MYRFL: variants seen among roughly 807,000 people sequenced by gnomAD.
MYRFL encodes the protein myelin regulatory factor-like protein.
MYRFL carries 88 observed loss-of-function variants against 109.4 expected under a neutral mutation model. The ratio of observed to expected loss-of-function variants is 0.80; its 90% CI spans 0.68 to 0.96. MYRFL has a LOEUF of 0.96. Ranked by LOEUF, MYRFL falls within the 40% of genes least tolerant of loss-of-function variation. The pLI is 0.00. For missense variants in MYRFL, 957 were observed against 954.9 expected (o/e 1.00, Z -0.03); for synonymous variants, 324 against 320.9 (o/e 1.01, Z -0.10).
chr12:69,946,044 G>A (rs973588298), intron 19 of MYRFL, among the ~76,000 whole-genome samples: 1 of 144,074 alleles, frequency 6.9e-6, no homozygotes, highest in Non-Finnish European at 1.5e-5. Flanking sequence ...GGCTACAAGT[G>A]TAATCATGTC....
chr12:69,926,416 A>G (rs550130212), intron 13 of MYRFL, among the ~76,000 whole-genome samples, 155 bp from the exon 14 acceptor site: 36 of 152,322 alleles, frequency 2.4e-4, no homozygotes, highest in Middle Eastern at 3.4e-3. Context: ...TTCAGTTTCA[A>G]ACCTCTCCAG....
At chr12:69,926,847 G>A in intron 14 of MYRFL, 113 bp downstream of exon 14, 1 of 892,332 alleles carries the variant, frequency 1.1e-6, no homozygotes, top group Non-Finnish European at 1.4e-6. Flanking sequence ...GCTACTTTCT[G>A]ATAATGAAGT....
rs1474386157 is a variant in MYRFL, at chr12:69,898,548, T to C, written c.1182+1302T>C. On this transcript the variant is annotated intron_variant, in intron 10 of 24. Coordinates refer to ENST00000552032, the MANE Select transcript of MYRFL (RefSeq NM_182530.3). ...GGCCAGGGCCATCTTTGACATCTTA[T>C]TTGATGTAATCTGGAATTGCCTTGC... is the stretch of plus-strand genomic sequence containing the variant. Among the ~76,000 whole-genome samples the C allele has an allele frequency of 2.0e-5, 3 of 152,218 alleles. No individual in the cohort carries two copies. In the East Asian group the frequency reaches 5.8e-4, roughly 29 times the overall value.
At chr12:69,829,847 G>C (rs1202748481) in intron 1 of MYRFL, among the ~76,000 whole-genome samples, 1 of 152,174 alleles carries the variant, frequency 6.6e-6, no homozygotes, top group Admixed American at 6.5e-5. Context: ...TCTGACAGAA[G>C]AGTCAGAAGC....
chr12:69,883,884 A>T (rs1886286342), intron 5 of MYRFL, among the ~76,000 whole-genome samples: 1 of 152,106 alleles, frequency 6.6e-6, no homozygotes, highest in African/African-American at 2.4e-5. Flanking sequence ...TAAAAAAGAA[A>T]AAAAAAGAGG....
intron 2 of MYRFL, among the ~76,000 whole-genome samples, chr12:69,873,719 G>A (rs1458885219): frequency 6.6e-6 from 1 of 152,108 alleles, no homozygotes; most frequent in Admixed American, 6.6e-5. Context: ...TTTATTTCTG[G>A]AATTTTCCAT....
At chr12:69,845,403 A>G (rs1157041537) in intron 1 of MYRFL, among the ~76,000 whole-genome samples, 4 of 152,212 alleles carry the variant, frequency 2.6e-5, no homozygotes, top group Non-Finnish European at 5.9e-5. Flanking sequence ...TCAAAGTCTA[A>G]CTGAAGACTC....
chr12:69,891,671 T>TTCTTTCTTTCTTTCTTTCTA (rs1886891767), intron 7 of MYRFL, among the ~76,000 whole-genome samples: 1 of 111,452 alleles, frequency 9.0e-6, no homozygotes, highest in East Asian at 2.2e-4. Flanking sequence ...CTTTCTTTCT[T>TTCTTTCTTTCTTTCTTTCTA]TCTTTCTTTC....
At chr12:69,897,085 G>A (rs1954020753) in intron 9 of MYRFL, 71 bp from the exon 10 acceptor site, 1 of 980,224 alleles carries the variant, frequency 1.0e-6, no homozygotes, top group African/African-American at 1.6e-5. Flanking sequence ...CAACTGTTGG[G>A]TGGTATTTGT....
At chr12:69,956,767 GTTTCT>G (rs1956106683) in intron 22 of MYRFL, among the ~76,000 whole-genome samples, 1 of 152,074 alleles carries the variant, frequency 6.6e-6, no homozygotes, top group Non-Finnish European at 1.5e-5. Context: ...CCTTGGAAAG[GTTTCT>G]TTTAAGCAGC....
intron 13 of MYRFL, among the ~76,000 whole-genome samples, chr12:69,912,099 T>C (rs530997061): frequency 6.6e-6 from 1 of 152,176 alleles, no homozygotes; most frequent in Admixed American, 6.5e-5. Context: ...AACTCTTAGA[T>C]GACATGGTCT....
chr12:69,880,526 A>G (rs1052233330), intron 5 of MYRFL, among the ~76,000 whole-genome samples: 1 of 152,176 alleles, frequency 6.6e-6, no homozygotes, highest in Non-Finnish European at 1.5e-5. Context: ...TGAAGTGCCA[A>G]TCTTTCAATT....
intron 1 of MYRFL, among the ~76,000 whole-genome samples, chr12:69,853,762 GA>G (rs929709295): frequency 2.0e-5 from 3 of 150,352 alleles, no homozygotes; most frequent in African/African-American, 7.4e-5. Context: ...CGGCGGGGCA[GA>G]GGGGCTCCTC....
intron 2 of MYRFL, among the ~76,000 whole-genome samples, chr12:69,877,279 TC>T (rs1885748692): frequency 6.6e-6 from 1 of 152,098 alleles, no homozygotes; most frequent in African/African-American, 2.4e-5. Context: ...CGCCTCCGCC[TC>T]CCAAAGTGCT....
At position 69,886,848 on chromosome 12, in the gene MYRFL, C is replaced by T. The variant is rs1886486211; in HGVS notation, c.585C>T (p.Val195=). The change falls in exon 6 of 25, where the codon GTC becomes GTT. Residue 195 remains valine, a synonymous_variant. Coordinates refer to ENST00000552032, the MANE Select transcript of MYRFL (RefSeq NM_182530.3). ...CAAGTAGGAGTCGCAGCAGTGAAGT[C>T]CAGGACCCTGACAGTGAGGGACAGA... ...PMTSRSRSSE[V]QDPDSEGQNR... is the part of the protein sequence containing the mutation. 3 of 1,535,800 alleles carry T rather than the reference C, an allele frequency of 2.0e-6. No individual in the cohort carries two copies. In the African/African-American group the frequency reaches 4.1e-5, roughly 21 times the overall value.
At chr12:69,893,934 T>C (rs916430327) in intron 8 of MYRFL, 94 bp downstream of exon 8, 4 of 320,698 alleles carry the variant, frequency 1.2e-5, no homozygotes, top group African/African-American at 8.9e-5. Flanking sequence ...TATTATCTAA[T>C]ATATTTTGCT....
At chr12:69,931,935 T>C (rs1955286252) in intron 15 of MYRFL, among the ~76,000 whole-genome samples, 1 of 152,208 alleles carries the variant, frequency 6.6e-6, no homozygotes, top group Non-Finnish European at 1.5e-5. Context: ...GCTCAATAAA[T>C]ATTGTTGAAT....
At chr12:69,911,195 T>G (rs989984152) in intron 13 of MYRFL, among the ~76,000 whole-genome samples, 1 of 152,216 alleles carries the variant, frequency 6.6e-6, no homozygotes, top group South Asian at 2.1e-4. Context: ...TAACTGGCAC[T>G]AGGAAAGTCC....
At chr12:69,903,515 C>T (rs1954255653) in intron 10 of MYRFL, 129 bp from the exon 11 acceptor site, 1 of 1,034,242 alleles carries the variant, frequency 9.7e-7, no homozygotes, top group African/African-American at 1.6e-5. Flanking sequence ...TCAGAATGTC[C>T]CACTCAATAC....
Sources: allele counts gnomAD v4.1 joint callset (sites outside exome capture counted in the v4.1 genomes callset), GRCh38; gene constraint gnomAD v4.1.1; transcripts MANE v1.5; gene names NCBI Gene and HGNC (gene_info 2026-07-23, HGNC 2026-07-21).